CDH13: variants seen among roughly 807,000 people sequenced by gnomAD.
CDH13 encodes the protein cadherin 13.
Under a neutral mutation model 63.8 loss-of-function variants are expected in CDH13, and 24 were observed. The observed-to-expected ratio is 0.38, with a 90% CI of 0.27 to 0.53. CDH13 has a LOEUF of 0.53. Ranked by LOEUF, CDH13 falls within the 20% of genes least tolerant of loss-of-function variation. The pLI, the probability that CDH13 is intolerant of heterozygous loss-of-function variation, is 0.85. For synonymous variants in CDH13, 503 were observed against 355.3 expected, an observed-to-expected ratio of 1.42 and a Z score of -4.67; for missense variants, 1,049 against 903.1, an observed-to-expected ratio of 1.16 and a Z score of -2.07.
intron 5 of CDH13, among the ~76,000 whole-genome samples, chr16:83,324,535 G>A (rs2090316536): frequency 6.6e-6 from 1 of 152,160 alleles, no homozygotes; most frequent in Non-Finnish European, 1.5e-5. Flanking sequence ...CGTTCACTTA[G>A]CAAGATGTTT....
chr16:82,704,158 G>T (rs1047643403), intron 1 of CDH13, among the ~76,000 whole-genome samples: 1 of 152,124 alleles, frequency 6.6e-6, no homozygotes, highest in Non-Finnish European at 1.5e-5. Context: ...AGAAAGAGGT[G>T]GGGGTGGGCA....
intron 8 of CDH13, among the ~76,000 whole-genome samples, chr16:83,652,714 G>T (rs1056858957): frequency 1.3e-5 from 2 of 152,142 alleles, no homozygotes; most frequent in African/African-American, 2.4e-5. Context: ...AGCAACCCAA[G>T]GGCTACATAT....
intron 1 of CDH13, among the ~76,000 whole-genome samples, chr16:82,813,000 A>C (rs1043206219): frequency 4.6e-5 from 7 of 152,132 alleles, no homozygotes; most frequent in African/African-American, 1.7e-4. Flanking sequence ...TAACTTTTTA[A>C]ACCTGGGAGT....
intron 1 of CDH13, among the ~76,000 whole-genome samples, chr16:82,767,874 T>C (rs1392479324): frequency 1.3e-5 from 2 of 152,120 alleles, no homozygotes; most frequent in Non-Finnish European, 2.9e-5. Context: ...CTCACTTAGC[T>C]TTCCAGGGAG....
At chr16:83,243,163 G>A (rs534879745) in intron 5 of CDH13, among the ~76,000 whole-genome samples, 3 of 152,074 alleles carry the variant, frequency 2.0e-5, no homozygotes, top group African/African-American at 4.8e-5. Context: ...CCAGGGCCTC[G>A]AGCTGCCTGG....
At chr16:82,693,041 A>C (rs961939720) in intron 1 of CDH13, among the ~76,000 whole-genome samples, 1 of 152,178 alleles carries the variant, frequency 6.6e-6, no homozygotes, top group Non-Finnish European at 1.5e-5. Flanking sequence ...GTCATTGTTG[A>C]GGAGGGCCAT....
intron 5 of CDH13, among the ~76,000 whole-genome samples, chr16:83,227,053 G>C (rs2039862236): frequency 6.6e-6 from 1 of 152,250 alleles, no homozygotes; most frequent in Admixed American, 6.5e-5. Flanking sequence ...CCTGAAGTGT[G>C]TTGAAGACCC....
intron 6 of CDH13, among the ~76,000 whole-genome samples, chr16:83,445,531 C>T (rs1038068039): frequency 6.6e-6 from 1 of 152,128 alleles, no homozygotes; most frequent in African/African-American, 2.4e-5. Context: ...CCGATAGCCT[C>T]CCACAGCTGC....
At chr16:83,366,814 C>T (rs959289606) in intron 6 of CDH13, among the ~76,000 whole-genome samples, 7 of 152,138 alleles carry the variant, frequency 4.6e-5, no homozygotes, top group African/African-American at 1.4e-4. Context: ...TGGTGGTTGA[C>T]ACTTAGGAAC....
intron 2 of CDH13, among the ~76,000 whole-genome samples, chr16:82,869,765 C>G (rs1259528343): frequency 6.6e-6 from 1 of 152,160 alleles, no homozygotes; most frequent in Non-Finnish European, 1.5e-5. Context: ...GCTGGGAAAA[C>G]TGGATATCCA....
At chr16:82,884,540 G>A (rs1195925653) in intron 2 of CDH13, 1 of 210,878 alleles carries the variant, frequency 4.7e-6, no homozygotes, top group Admixed American at 5.1e-5. Context: ...AGAGAAGCCA[G>A]GGAGAATCTA....
chr16:83,108,625 T>A (rs1475522134), intron 3 of CDH13, among the ~76,000 whole-genome samples: 2 of 152,118 alleles, frequency 1.3e-5, no homozygotes, highest in Non-Finnish European at 2.9e-5. Context: ...CGGGAAAGGG[T>A]GGGCTTCATC....
chr16:82,889,300 ATC>A (rs59500269), intron 2 of CDH13, among the ~76,000 whole-genome samples: 370 of 149,312 alleles, frequency 2.5e-3, no homozygotes, highest in Admixed American at 4.0e-3. Context: ...TCTCTCTATT[ATC>A]TCTCTCTCTC....
At chr16:82,790,425 ACT>A (rs1472598507) in intron 1 of CDH13, among the ~76,000 whole-genome samples, 1 of 152,024 alleles carries the variant, frequency 6.6e-6, no homozygotes, top group African/African-American at 2.4e-5. Flanking sequence ...ACAGAGTGAG[ACT>A]CTGTCTCAAA....
At chr16:83,306,123 T>A (rs1361507601) in intron 5 of CDH13, among the ~76,000 whole-genome samples, 2 of 152,206 alleles carry the variant, frequency 1.3e-5, no homozygotes, top group Non-Finnish European at 2.9e-5. Context: ...CTCCCGACAT[T>A]GCCAAATATT....
chr16:83,307,528 A>G (rs541001052), intron 5 of CDH13, among the ~76,000 whole-genome samples: 1 of 152,298 alleles, frequency 6.6e-6, no homozygotes, highest in South Asian at 2.1e-4. Context: ...TTTTACTAAT[A>G]GGAGCACCAA....
chr16:83,063,910 T>G (rs9939697), intron 3 of CDH13, among the ~76,000 whole-genome samples: 114 of 152,032 alleles, frequency 7.5e-4, no homozygotes, highest in African/African-American at 2.6e-3. Context: ...CTGGGAACAG[T>G]GAGACAAGTT....
At position 83,780,035 on chromosome 16, in the gene CDH13, G is replaced by A. The variant is rs541617175; in HGVS notation, c.1749G>A (p.Pro583=). Residue 583 remains proline (P), a synonymous_variant, in exon 12 of 14, where the codon CCG becomes CCA. Transcript: ENST00000567109. ...TGGAGGACGTGAATGACAATGCCCCGTTCATTTACCCCACAGTAGCTGAAG... is the reference window on the plus strand; with the variant it reads ...TGGAGGACGTGAATGACAATGCCCCATTCATTTACCCCACAGTAGCTGAAG... ...ITLEDVNDNA[P]FIYPTVAEVC... is the part of the protein sequence containing the mutation. The A allele has an allele frequency of 1.9e-5, 31 of 1,613,924 alleles. No homozygotes were observed. In the Middle Eastern group the frequency reaches 8.2e-4, roughly 43 times the overall value.
At chr16:83,774,112 T>C (rs1257024963) in intron 11 of CDH13, among the ~76,000 whole-genome samples, 1 of 152,200 alleles carries the variant, frequency 6.6e-6, no homozygotes, top group East Asian at 1.9e-4. Context: ...GCTACTGAGC[T>C]ATTCGTCCTA....
Sources: allele counts gnomAD v4.1 joint callset (sites outside exome capture counted in the v4.1 genomes callset), GRCh38; gene constraint gnomAD v4.1.1; transcripts MANE v1.5; gene names NCBI Gene and HGNC (gene_info 2026-07-23, HGNC 2026-07-21).